The following MICAL3 variants were observed in gnomAD, a reference collection of about 807,000 sequenced individuals.
MICAL3 encodes [F-actin]-monooxygenase MICAL3.
In MICAL3, 62 loss-of-function variants were observed where a neutral mutation model predicts 207.4. The observed-to-expected ratio is 0.30, with a 90% CI of 0.24 to 0.37. The LOEUF (loss-of-function observed/expected upper bound fraction) is 0.37, where lower values mean the gene tolerates loss of function less well. Ranked by LOEUF, MICAL3 falls within the 10% of genes least tolerant of loss-of-function variation. The probability of loss-of-function intolerance (pLI) is 1.00; values close to 1 mark genes in which losing one functional copy is unlikely to be tolerated. For missense variants in MICAL3, 2,368 were observed against 2,635.6 expected (o/e 0.90, Z 2.22); for synonymous variants, 1,077 against 1,069.3 (o/e 1.01, Z -0.14).
chr22:17,815,100 G>A (rs1271354931), intron 27 of MICAL3: 3 of 152,290 alleles, frequency 2.0e-5, no homozygotes, highest in Non-Finnish European at 1.5e-5. Context: ...TCTAGCAAAC[G>A]GCTTTGCCTC....
rs1319985577 is a variant in MICAL3, at chr22:17,900,790, C to G, written c.847+52G>C. The G allele has an allele frequency of 1.1e-5, 17 of 1,580,792 alleles. No individual in the cohort carries two copies. The highest frequency in any genetic ancestry group is 1.5e-5 in the Non-Finnish European group (17 of 1,153,100). ...CCACCAATCCCCCAAGAAAAAGCCACCAGGGACTATTTAAGTTTCTATCCT... is the reference window on the plus strand; with the variant it reads ...CCACCAATCCCCCAAGAAAAAGCCAGCAGGGACTATTTAAGTTTCTATCCT... On this transcript the variant is annotated intron_variant, in intron 6 of 31. Transcript: ENST00000441493. This position sits in a 1 kb window ranked among gnomAD's most constrained non-coding sequence, Gnocchi z 4.0.
chr22:17,895,146 C>T, intron 10 of MICAL3, 138 bp downstream of exon 10: 1 of 828,046 alleles, frequency 1.2e-6, no homozygotes, highest in South Asian at 1.7e-5. Flanking sequence ...TCTACCAATT[C>T]AGAGAGACAT....
At chr22:17,832,878 T>C (rs1281739346) in intron 20 of MICAL3, among the ~76,000 whole-genome samples, 1 of 152,162 alleles carries the variant, frequency 6.6e-6, no homozygotes, top group Non-Finnish European at 1.5e-5. Flanking sequence ...AGCAGGACAC[T>C]GTGGGGACAC....
chr22:17,876,497 G>C lies in MICAL3; in HGVS notation c.2242-4474C>G, dbSNP rs564555903. 5.2e-5 allele frequency: 8 copies of C among 152,504 alleles called. No homozygotes were observed. In the East Asian group the frequency reaches 1.5e-3, roughly 29 times the overall value. The allele number at this position is 152,504 out of a possible 1,614,324, so 9.4% of individuals were successfully genotyped here. A position where few individuals can be genotyped will look rare whatever the true frequency, so the allele number is the denominator to read the frequency against. Reference sequence around the variant, plus strand: ...CAACACCCTCTGCTTGAGACACTCAGCCAGCTCCTTGGCCCTGGGCTCAGC... The same window carrying C: ...CAACACCCTCTGCTTGAGACACTCACCCAGCTCCTTGGCCCTGGGCTCAGC... On this transcript the variant is annotated intron_variant, in intron 16 of 31. Coordinates refer to ENST00000441493, the MANE Select transcript of MICAL3 (RefSeq NM_015241.3).
In MICAL3 at chr22:17,823,030, T is replaced by A. The variant is rs1223450090; in HGVS notation, c.3224A>T (p.Asp1075Val). The A allele has an allele frequency of 2.5e-6, 4 of 1,613,610 alleles. No homozygotes were observed. The highest frequency in any genetic ancestry group is 1.1e-5 in the South Asian group (1 of 91,066). The change falls in exon 23 of 32, where the codon GAT (aspartate) becomes GTT (valine). Residue 1075 changes from aspartate to valine, a missense_variant. This residue lies in a region of MICAL3 where 1,770 missense variants were observed against 1,863.2 expected (regional missense o/e 0.95). Coordinates refer to ENST00000441493, the MANE Select transcript of MICAL3 (RefSeq NM_015241.3). ...TATCTCGGCTGGTTCTGAGTCCACA[T>A]CTTCCTCTAGGTCATTCTCATCCAA... Reference protein sequence around the residue: ...APLDENDLEEDVDSEPAEIEG... With the variant: ...APLDENDLEEVVDSEPAEIEG...
At chr22:17,874,865 C>T (rs1346772733) in intron 16 of MICAL3, among the ~76,000 whole-genome samples, 1 of 152,164 alleles carries the variant, frequency 6.6e-6, no homozygotes, top group East Asian at 1.9e-4. Flanking sequence ...CATACGCGTG[C>T]ATATGCTACC....
At chr22:17,876,852 GTTA>G (rs1928520695) in intron 16 of MICAL3, 1 of 121,396 alleles carries the variant, frequency 8.2e-6, no homozygotes, top group Non-Finnish European at 1.7e-5. Flanking sequence ...GGTTAGGGAG[GTTA>G]TGGAGGTTAG....
At chr22:17,933,799 A>G (rs1042138388) in intron 1 of MICAL3, among the ~76,000 whole-genome samples, 3 of 152,220 alleles carry the variant, frequency 2.0e-5, no homozygotes, top group African/African-American at 7.2e-5. Context: ...GAATATCACC[A>G]CCGATCCCAC....
intron 1 of MICAL3, among the ~76,000 whole-genome samples, chr22:18,016,477 C>T (rs1038147022): frequency 6.6e-6 from 1 of 151,932 alleles, no homozygotes; most frequent in East Asian, 1.9e-4. Context: ...GTTCTATGAT[C>T]CTGAAAAGTC....
At chr22:17,824,882 G>T (rs117836211) in intron 22 of MICAL3, among the ~76,000 whole-genome samples, 1,882 of 152,340 alleles carry the variant, frequency 0.012, 23 homozygotes, top group Non-Finnish European at 0.018. Flanking sequence ...AAAGATAAAA[G>T]AATTCATGGC....
intron 21 of MICAL3, 151 bp downstream of exon 21, chr22:17,831,703 C>T (rs1301108487): frequency 3.9e-6 from 5 of 1,285,040 alleles, no homozygotes; most frequent in African/African-American, 3.1e-5. Context: ...CTCCCCTCTG[C>T]CCCCCATGTC....
At chr22:17,965,256 T>C (rs936885104) in intron 1 of MICAL3, among the ~76,000 whole-genome samples, 1 of 151,810 alleles carries the variant, frequency 6.6e-6, no homozygotes, top group African/African-American at 2.4e-5. Flanking sequence ...AGAGTCCTTC[T>C]GTATCAGAAA....
intron 25 of MICAL3, 77 bp downstream of exon 25, chr22:17,821,350 C>G: frequency 7.5e-7 from 1 of 1,337,232 alleles, no homozygotes. Context: ...ACCATGGGCC[C>G]TGAAACAGAG....
chr22:17,868,742 C>T (rs891803087), intron 17 of MICAL3, among the ~76,000 whole-genome samples: 2 of 152,092 alleles, frequency 1.3e-5, no homozygotes, highest in Admixed American at 1.3e-4. Context: ...CAGGGCAAAC[C>T]CAAGGTCAAG....
intron 16 of MICAL3, among the ~76,000 whole-genome samples, chr22:17,877,103 G>GGTTATGGAGGTTATGGAGGTTAGGGAA (rs1928657967): frequency 8.1e-6 from 1 of 123,950 alleles, no homozygotes; most frequent in African/African-American, 3.2e-5. Flanking sequence ...AGGTTAGGGA[G>GGTTATGGAGGTTATGGAGGTTAGGGAA]GTTATGGAGG....
In MICAL3 at chr22:17,841,546, C is replaced by G; in HGVS notation, c.2801+276G>C. 1.8e-6 allele frequency: 1 copy of G among 566,422 alleles called. No homozygotes were observed. The highest frequency in any genetic ancestry group is 2.4e-5 in the South Asian group (1 of 40,828). The allele number at this position is 566,422 out of a possible 1,614,324, so 35.1% of individuals were successfully genotyped here. A position where few individuals can be genotyped will look rare whatever the true frequency, so the allele number is the denominator to read the frequency against. On this transcript the variant is annotated intron_variant, in intron 20 of 31. Transcript: ENST00000441493. The surrounding 1 kb of genome is among the most constrained non-coding windows in gnomAD (Gnocchi z 4.2). ...TCTGTGAATAACCCGGGGGCAGAGC[C>G]TGCCACTTTCCTTCCCAATGACAGA...
chr22:17,992,960 T>C (rs770938730), intron 1 of MICAL3, among the ~76,000 whole-genome samples: 2 of 152,174 alleles, frequency 1.3e-5, no homozygotes, highest in Admixed American at 6.5e-5. Context: ...AAGCGATCAC[T>C]GTTATGACTT....
chr22:17,905,500 CTTTG>C (rs1265667386), intron 2 of MICAL3, among the ~76,000 whole-genome samples: 2 of 152,146 alleles, frequency 1.3e-5, no homozygotes, highest in Non-Finnish European at 2.9e-5. Flanking sequence ...ATGCTTTTGG[CTTTG>C]TTTTTGTTTT....
At chr22:17,827,523 C>T (rs1378171883) in intron 22 of MICAL3, 121 bp downstream of exon 22, 8 of 1,071,934 alleles carry the variant, frequency 7.5e-6, no homozygotes. Flanking sequence ...CGGGATGCGC[C>T]TGGCTCCCGT....
Sources: allele counts gnomAD v4.1 joint callset (sites outside exome capture counted in the v4.1 genomes callset), GRCh38; gene constraint gnomAD v4.1.1; regional missense constraint gnomAD v4.1.1; non-coding constraint Gnocchi (gnomAD v3.1); transcripts MANE v1.5; gene names NCBI Gene and HGNC (gene_info 2026-07-23, HGNC 2026-07-21).